Variants in FSTL5 observed in about 807,000 individuals in gnomAD.
FSTL5 encodes follistatin-related protein 5.
Under a neutral mutation model 89.1 loss-of-function variants are expected in FSTL5, and 62 were observed. The ratio of observed to expected loss-of-function variants is 0.70; its 90% CI spans 0.57 to 0.86. FSTL5 has a LOEUF of 0.86. Ranked by LOEUF, FSTL5 falls within the 40% of genes least tolerant of loss-of-function variation. FSTL5 has a pLI of 0.00. For synonymous variants in FSTL5, 383 were observed against 346.2 expected (o/e 1.11, Z -1.18); for missense variants, 1,057 against 1,001.6 (o/e 1.06, Z -0.75).
At chr4:161,720,095 A>C (rs1739139710) in intron 6 of FSTL5, among the ~76,000 whole-genome samples, 1 of 152,130 alleles carries the variant, frequency 6.6e-6, no homozygotes, top group African/African-American at 2.4e-5. Context: ...AAGGGAAAGA[A>C]TCAACAATAG....
intron 4 of FSTL5, among the ~76,000 whole-genome samples, chr4:161,906,045 C>G (rs1001912210): frequency 2.6e-5 from 4 of 152,052 alleles, no homozygotes; most frequent in Non-Finnish European, 5.9e-5. Context: ...TATAAGAAAC[C>G]AGTTGGAATC....
At chr4:161,739,677 C>G (rs1421755233) in intron 6 of FSTL5, among the ~76,000 whole-genome samples, 1 of 151,970 alleles carries the variant, frequency 6.6e-6, no homozygotes, top group Non-Finnish European at 1.5e-5. Context: ...GGATGAGAAC[C>G]CAAAGGCAAA....
At chr4:161,556,609 A>G (rs1212499176) in intron 8 of FSTL5, among the ~76,000 whole-genome samples, 2 of 151,524 alleles carry the variant, frequency 1.3e-5, no homozygotes, top group Non-Finnish European at 3.0e-5. Context: ...AAATATAAAA[A>G]CTATGCAGAT....
intron 4 of FSTL5, among the ~76,000 whole-genome samples, chr4:161,843,220 T>A (rs1436169748): frequency 6.6e-6 from 1 of 152,176 alleles, no homozygotes; most frequent in Non-Finnish European, 1.5e-5. Context: ...CTTTGTTCTT[T>A]TTGCTTAGGA....
intron 1 of FSTL5, among the ~76,000 whole-genome samples, chr4:162,149,616 G>C (rs886968076): frequency 1.3e-5 from 2 of 151,916 alleles, no homozygotes; most frequent in Admixed American, 1.3e-4. Context: ...TCATGCCACT[G>C]CACTCCTGCC....
chr4:162,036,506 GATAC>G lies in FSTL5; in HGVS notation c.127-2852_127-2849del, dbSNP rs1737746514. Among the ~76,000 whole-genome samples the G allele has an allele frequency of 3.9e-5, 6 of 151,944 alleles. No individual in the cohort carries two copies. In the South Asian group the frequency reaches 1.2e-3, roughly 31 times the overall value. On this transcript the variant is annotated intron_variant, in intron 2 of 15. Transcript: ENST00000306100. ...AAACTCACAGGACGTATTTCAACCAGATACATAAAGTTGGAAGCCACTAGCATAT... is the reference window on the plus strand; with the variant it reads ...AAACTCACAGGACGTATTTCAACCAGATAAAGTTGGAAGCCACTAGCATAT...
At chr4:162,072,759 A>G (rs889563334) in intron 2 of FSTL5, among the ~76,000 whole-genome samples, 3 of 151,860 alleles carry the variant, frequency 2.0e-5, no homozygotes, top group African/African-American at 7.2e-5. Context: ...TTATTTAAAT[A>G]TCAGTCTGGG....
intron 4 of FSTL5, among the ~76,000 whole-genome samples, chr4:161,897,172 T>C (rs1733186411): frequency 6.6e-6 from 1 of 151,812 alleles, no homozygotes. Flanking sequence ...TAGATCATAC[T>C]GTTCATGAAA....
intron 3 of FSTL5, among the ~76,000 whole-genome samples, chr4:161,925,812 A>G (rs1734105891): frequency 6.6e-6 from 1 of 151,880 alleles, no homozygotes; most frequent in Non-Finnish European, 1.5e-5. Context: ...AGCATTGGAA[A>G]TGCATTTAGG....
intron 6 of FSTL5, among the ~76,000 whole-genome samples, chr4:161,703,552 G>C (rs1447220600): frequency 6.6e-6 from 1 of 151,870 alleles, no homozygotes; most frequent in African/African-American, 2.4e-5. Flanking sequence ...ATGTAGTTTT[G>C]TTCCCTCCAT....
At chr4:162,089,850 A>G (rs886218493) in intron 2 of FSTL5, among the ~76,000 whole-genome samples, 1 of 152,162 alleles carries the variant, frequency 6.6e-6, no homozygotes, top group Non-Finnish European at 1.5e-5. Context: ...TTCATTAAAA[A>G]TCTGCAAAAT....
chr4:161,823,361 CT>C lies in FSTL5; in HGVS notation c.410-47288del, dbSNP rs143882870. ...GTCACCAAGGTGCTCTCAGAGCCCC[CT>C]GGCCTCCCTCCCTCGTCAATGCCAA... is the stretch of plus-strand genomic sequence containing the variant. On this transcript the variant is annotated intron_variant, in intron 4 of 15. Transcript: ENST00000306100. Among the ~76,000 whole-genome samples the C allele has an allele frequency of 4.8e-3, 728 of 152,312 alleles. 12 individuals are homozygous for C. The highest frequency in any genetic ancestry group is 0.017 in the African/African-American group (704 of 41,576).
intron 3 of FSTL5, among the ~76,000 whole-genome samples, chr4:161,971,073 T>G (rs1423839067): frequency 1.3e-5 from 2 of 152,120 alleles, no homozygotes; most frequent in African/African-American, 4.8e-5. Flanking sequence ...CTACTTAATG[T>G]AGATGTCAGT....
chr4:161,494,831 A>T (rs1730007683), intron 12 of FSTL5, among the ~76,000 whole-genome samples: 1 of 152,066 alleles, frequency 6.6e-6, no homozygotes, highest in African/African-American at 2.4e-5. Context: ...AGGTTAAGTG[A>T]GGAGAATCTC....
At chr4:161,749,884 A>G (rs965747486) in intron 6 of FSTL5, among the ~76,000 whole-genome samples, 28 of 151,918 alleles carry the variant, frequency 1.8e-4, no homozygotes, top group African/African-American at 6.8e-4. Context: ...GGGGAGTGAG[A>G]GTTGAAAAAT....
At chr4:161,825,483 A>G (rs569520124) in intron 4 of FSTL5, among the ~76,000 whole-genome samples, 1 of 152,018 alleles carries the variant, frequency 6.6e-6, no homozygotes, top group East Asian at 1.9e-4. Flanking sequence ...TTCTTCTTTG[A>G]GTGTCTGATA....
intron 2 of FSTL5, among the ~76,000 whole-genome samples, chr4:162,044,052 C>T (rs572305965): frequency 2.0e-5 from 3 of 152,276 alleles, no homozygotes; most frequent in Admixed American, 6.5e-5. Flanking sequence ...GACCTCCTTC[C>T]ATGAATCATG....
At chr4:161,777,509 T>C (rs1741453554) in intron 4 of FSTL5, among the ~76,000 whole-genome samples, 1 of 152,118 alleles carries the variant, frequency 6.6e-6, no homozygotes, top group Non-Finnish European at 1.5e-5. Context: ...AATAAATGTA[T>C]TTTCTTAATT....
intron 4 of FSTL5, among the ~76,000 whole-genome samples, chr4:161,878,033 G>A (rs2126907645): frequency 6.6e-6 from 1 of 151,858 alleles, no homozygotes; most frequent in Admixed American, 6.5e-5. Flanking sequence ...ATGTATTTAT[G>A]TGTGTCTTAA....
Sources: allele counts gnomAD v4.1 joint callset (sites outside exome capture counted in the v4.1 genomes callset), GRCh38; gene constraint gnomAD v4.1.1; transcripts MANE v1.5; gene names NCBI Gene and HGNC (gene_info 2026-07-23, HGNC 2026-07-21).